ATP8B4: variants seen among roughly 807,000 people sequenced by gnomAD.
ATP8B4 encodes the protein ATPase phospholipid transporting 8B4 (putative).
Under a neutral mutation model 145.6 loss-of-function variants are expected in ATP8B4, and 133 were observed. The observed-to-expected ratio is 0.91, with a 90% CI of 0.79 to 1.05. The LOEUF (loss-of-function observed/expected upper bound fraction) is 1.05. Ranked by LOEUF, ATP8B4 falls within the 50% of genes least tolerant of loss-of-function variation. The probability of loss-of-function intolerance (pLI) is 0.00; values close to 1 mark genes in which losing one functional copy is unlikely to be tolerated. For synonymous variants in ATP8B4, 507 were observed against 492.9 expected (o/e 1.03, Z -0.38); for missense variants, 1,458 against 1,425.2 (o/e 1.02, Z -0.37).
intron 1 of ATP8B4, among the ~76,000 whole-genome samples, chr15:50,113,509 T>C (rs1004598099): frequency 9.4e-5 from 14 of 148,632 alleles, no homozygotes; most frequent in African/African-American, 3.4e-4. Context: ...AATCTGTGTA[T>C]GTGTGTATGT....
chr15:50,085,955 ATAT>A (rs2054949920), intron 2 of ATP8B4, among the ~76,000 whole-genome samples: 1 of 28,308 alleles, frequency 3.5e-5, no homozygotes. Flanking sequence ...GATATATATC[ATAT>A]ATATTTATAT....
At chr15:50,095,323 A>G (rs2055902018) in intron 2 of ATP8B4, among the ~76,000 whole-genome samples, 1 of 152,192 alleles carries the variant, frequency 6.6e-6, no homozygotes, top group African/African-American at 2.4e-5. Flanking sequence ...ATGTGGCAAA[A>G]TGAGAGAGAT....
intron 3 of ATP8B4, among the ~76,000 whole-genome samples, chr15:50,058,870 T>G (rs2052801068): frequency 6.6e-6 from 1 of 151,634 alleles, no homozygotes; most frequent in Non-Finnish European, 1.5e-5. Flanking sequence ...TGGCTTTTGT[T>G]TGGGAGTAGA....
chr15:49,979,435 A>C (rs2045967609), intron 12 of ATP8B4, among the ~76,000 whole-genome samples, 182 bp downstream of exon 12: 1 of 152,232 alleles, frequency 6.6e-6, no homozygotes, highest in Admixed American at 6.5e-5. Flanking sequence ...CATTTATTGT[A>C]ATTTGAAAAC....
intron 6 of ATP8B4, among the ~76,000 whole-genome samples, chr15:50,035,670 C>T (rs936371658): frequency 2.6e-5 from 4 of 152,174 alleles, no homozygotes; most frequent in Admixed American, 6.5e-5. Context: ...ACCATCCTGG[C>T]TCCTGAGCAC....
At chr15:49,876,253 A>T in intron 25 of ATP8B4, 25 bp downstream of exon 25, 1 of 1,607,944 alleles carries the variant, frequency 6.2e-7, no homozygotes, top group South Asian at 1.1e-5. Flanking sequence ...CCATCAAGTT[A>T]AGGTGCTTAC....
rs999027029 is a variant in ATP8B4, at chr15:49,908,380, G to A, written c.2142-7141C>T. Among the ~76,000 whole-genome samples, 4 of 152,174 alleles carry A rather than the reference G, an allele frequency of 2.6e-5. No individual in the cohort carries two copies. In the East Asian group the frequency reaches 5.8e-4, roughly 22 times the overall value. ...TAAGAGAAAATATTGGAGTTCAAGAGAGAAGTGACAGGAAACACCTAAAAG... is the reference window on the plus strand; with the variant it reads ...TAAGAGAAAATATTGGAGTTCAAGAAAGAAGTGACAGGAAACACCTAAAAG... On this transcript the variant is annotated intron_variant, in intron 20 of 27. Transcript: ENST00000284509.
In ATP8B4 at chr15:49,923,361, T is replaced by C. The variant is rs778128448; in HGVS notation, c.1758+18A>G. ...GGCAAAAGGGCCATTGTGCTAACCT[T>C]AAGACGGAGGCACTTACACTGAGGT... On this transcript the variant is annotated intron_variant, in intron 17 of 27. Coordinates refer to ENST00000284509, the MANE Select transcript of ATP8B4 (RefSeq NM_024837.4). 3 of 1,561,144 alleles carry C rather than the reference T, an allele frequency of 1.9e-6. No homozygotes were observed. Among genetic ancestry groups the C allele is most frequent in the Admixed American group, 3.4e-5 (2 of 59,236 alleles).
At chr15:50,039,696 T>A (rs564443441) in intron 5 of ATP8B4, among the ~76,000 whole-genome samples, 2 of 152,314 alleles carry the variant, frequency 1.3e-5, no homozygotes, top group East Asian at 3.9e-4. Context: ...TTCGATTTCA[T>A]AGACTTTAAT....
intron 7 of ATP8B4, among the ~76,000 whole-genome samples, chr15:50,007,827 T>C (rs1480639059): frequency 6.6e-6 from 1 of 152,090 alleles, no homozygotes; most frequent in Admixed American, 6.6e-5. Context: ...TGTCTTGCCC[T>C]TGAAAATGGT....
At chr15:49,978,781 CACACAT>C (rs1392817009) in intron 12 of ATP8B4, among the ~76,000 whole-genome samples, 12 of 138,798 alleles carry the variant, frequency 8.6e-5, no homozygotes, top group East Asian at 4.8e-4. Flanking sequence ...CACACACACA[CACACAT>C]GCATACATAT....
Position 49,949,533 on chromosome 15 carries a change from T to C in ATP8B4, c.1287+12444A>G, listed in dbSNP as rs1423531796. On this transcript the variant is annotated intron_variant, in intron 14 of 27. Transcript: ENST00000284509. Reference sequence around the variant, plus strand: ...ACATTGATTTTGTATCCTGAGACTTTGCTGAAGTTGCTTATCAGTTCAAGA... The same window carrying C: ...ACATTGATTTTGTATCCTGAGACTTCGCTGAAGTTGCTTATCAGTTCAAGA... 2.0e-5 allele frequency among the ~76,000 whole-genome samples: 3 copies of C among 152,192 alleles called. No homozygotes were observed. In the East Asian group the frequency reaches 5.8e-4, roughly 29 times the overall value.
chr15:50,085,891 A>G (rs1196835550), intron 2 of ATP8B4, among the ~76,000 whole-genome samples: 1 of 85,750 alleles, frequency 1.2e-5, no homozygotes, highest in Non-Finnish European at 2.5e-5. Context: ...ATATTTATAT[A>G]TGATATATAT....
At chr15:49,886,318 G>A (rs1014783961) in intron 23 of ATP8B4, among the ~76,000 whole-genome samples, 1 of 152,052 alleles carries the variant, frequency 6.6e-6, no homozygotes, top group Non-Finnish European at 1.5e-5. Flanking sequence ...GGGAGGCTGT[G>A]AGCATTCAAT....
At chr15:50,113,363 T>G (rs980181626) in intron 1 of ATP8B4, 2 of 152,174 alleles carry the variant, frequency 1.3e-5, no homozygotes, top group Non-Finnish European at 2.9e-5. Flanking sequence ...GTCCTGCATG[T>G]GTGCAGTTTT....
chr15:50,129,864 C>T (rs540616108), intron 1 of ATP8B4, among the ~76,000 whole-genome samples: 2 of 150,488 alleles, frequency 1.3e-5, no homozygotes, highest in East Asian at 3.9e-4. Context: ...AGGAGAATCG[C>T]TTGAACCCAG....
intron 1 of ATP8B4, among the ~76,000 whole-genome samples, chr15:50,159,204 T>C (rs2044478747): frequency 6.6e-6 from 1 of 152,250 alleles, no homozygotes; most frequent in African/African-American, 2.4e-5. Flanking sequence ...GTTTTCATTG[T>C]GGAGATCTTT....
chr15:49,860,387 CCA>C lies in ATP8B4; in HGVS notation c.3384_3385del (p.Gly1129IlefsTer22), dbSNP rs1566881392. 2 of 1,614,082 alleles carry C rather than the reference CCA, an allele frequency of 1.2e-6. No homozygotes were observed. The highest frequency in any genetic ancestry group is 1.7e-6 in the Non-Finnish European group (2 of 1,179,990). On this transcript the variant is annotated frameshift_variant, in exon 28 of 28. Coordinates refer to ENST00000284509, the MANE Select transcript of ATP8B4 (RefSeq NM_024837.4). LOFTEE classifies it high-confidence loss of function. ...GCCTTCTTGGTGAGCAAAAGCATAT[CCA>C]GACCTTCTTGAGCTTGACCTGCGGG...
chr15:50,180,423 T>G (rs2044828474), intron 1 of ATP8B4, among the ~76,000 whole-genome samples: 1 of 152,216 alleles, frequency 6.6e-6, no homozygotes, highest in African/African-American at 2.4e-5. Context: ...CTTAAATTCC[T>G]GTTTCTGCTT....
Sources: gnomAD v4.1 joint callset for allele counts (sites outside exome capture counted in the v4.1 genomes callset) on GRCh38, gnomAD v4.1.1 for gene constraint, MANE v1.5 for transcripts, NCBI Gene and HGNC (gene_info 2026-07-23, HGNC 2026-07-21) for gene names.